The following MICA variants were observed in gnomAD, a reference collection of about 807,000 sequenced individuals.
MICA encodes HLA class I antigen.
A neutral mutation model predicts 34.3 loss-of-function variants in MICA; 18 were observed. The ratio of observed to expected loss-of-function variants is 0.52; its 90% CI spans 0.36 to 0.78. The LOEUF (loss-of-function observed/expected upper bound fraction) is 0.78. Ranked by LOEUF, MICA falls within the 30% of genes least tolerant of loss-of-function variation. The pLI, the probability that MICA is intolerant of heterozygous loss-of-function variation, is 0.00. For missense variants in MICA, 333 were observed against 409.4 expected (o/e 0.81, Z 1.61); for synonymous variants, 135 against 156.9 (o/e 0.86, Z 1.04).
rs1435993548 is a variant in MICA at position 31,403,806 on chromosome 6, G to A, written c.70+104G>A. On this transcript the variant is annotated intron_variant, in intron 1 of 5. Coordinates refer to ENST00000449934, the MANE Select transcript of MICA (RefSeq NM_001177519.3). This position sits in a 1 kb window ranked among gnomAD's most constrained non-coding sequence, Gnocchi z 4.7. ...GCTGTGCGGTCAGGGCGGGGCTCCT[G>A]TGCCCTGTCGGTGGCGCAGGGAGCT... The A allele has an allele frequency of 9.2e-6, 10 of 1,091,606 alleles. No homozygotes were observed. The highest frequency in any genetic ancestry group is 1.2e-5 in the Non-Finnish European group (9 of 780,468). The allele number at this position is 1,091,606 out of a possible 1,614,324, so 67.6% of individuals were successfully genotyped here.
intron 2 of MICA, 107 bp downstream of exon 2, chr6:31,410,904 G>T: frequency 2.0e-6 from 3 of 1,479,890 alleles, no homozygotes; most frequent in Middle Eastern, 1.8e-4. Context: ...CAGGCTGGGG[G>T]TGAGGAATGG....
rs1771456971 is a variant in MICA at position 31,415,230 on chromosome 6, C to G, written c.*248C>G. 1 of 620,222 alleles carries G rather than the reference C, an allele frequency of 1.6e-6. No individual in the cohort carries two copies. Among genetic ancestry groups the G allele is most frequent in the South Asian group, 1.8e-5 (1 of 56,354 alleles). The allele number at this position is 620,222 out of a possible 1,614,324, so 38.4% of individuals were successfully genotyped here. On this transcript the variant is annotated 3_prime_UTR_variant, in exon 6 of 6. Coordinates refer to ENST00000449934, the MANE Select transcript of MICA (RefSeq NM_001177519.3). ...TGCCTCAGTTTCCTGACCTATGAAA[C>G]AGAGAAAATAAAAGCACTTATTTAT...
intron 5 of MICA, among the ~76,000 whole-genome samples, chr6:31,414,408 G>T (rs928921392): frequency 2.6e-5 from 4 of 152,064 alleles, no homozygotes; most frequent in Non-Finnish European, 5.9e-5. Flanking sequence ...GTCAGGAGAG[G>T]CCAGGCCTCC....
At chr6:31,414,273 A>G (rs956039104) in intron 5 of MICA, among the ~76,000 whole-genome samples, 21 of 151,990 alleles carry the variant, frequency 1.4e-4, no homozygotes, top group African/African-American at 4.8e-4. Context: ...TGCTAGGGAC[A>G]GAGCAGGAAG....
chr6:31,407,217 C>T (rs1247472792), intron 1 of MICA, among the ~76,000 whole-genome samples: 6 of 151,746 alleles, frequency 4.0e-5, no homozygotes, highest in African/African-American at 1.2e-4. Flanking sequence ...TTGTGTCCTT[C>T]AATTTTTTGC....
intron 5 of MICA, among the ~76,000 whole-genome samples, 184 bp downstream of exon 5, chr6:31,412,644 C>T (rs898058206): frequency 2.0e-5 from 3 of 151,748 alleles, no homozygotes; most frequent in African/African-American, 7.3e-5. Context: ...GCTGCCCAAG[C>T]AAGGGTCAAA....
At chr6:31,414,637 G>A (rs1248163184) in intron 5 of MICA, among the ~76,000 whole-genome samples, 1 of 152,004 alleles carries the variant, frequency 6.6e-6, no homozygotes, top group Non-Finnish European at 1.5e-5. Flanking sequence ...CTCTGAAGGA[G>A]AGGAGGGCCT....
chr6:31,404,992 G>A (rs1346210053), intron 1 of MICA, among the ~76,000 whole-genome samples: 4 of 151,560 alleles, frequency 2.6e-5, no homozygotes, highest in Non-Finnish European at 5.9e-5. Context: ...CTTTCAGTGG[G>A]AAAGTGGGAG....
At chr6:31,407,934 G>A (rs1228456216) in intron 1 of MICA, among the ~76,000 whole-genome samples, 1 of 151,898 alleles carries the variant, frequency 6.6e-6, no homozygotes, top group East Asian at 1.9e-4. Context: ...CCAGATCTTA[G>A]AGAAAAGGCT....
chr6:31,402,384 CT>C (rs1223013440), upstream of MICA: 1 of 152,050 alleles, frequency 6.6e-6, no homozygotes, highest in African/African-American at 2.4e-5. Context: ...CCCACGTTTA[CT>C]GCAACCCTGG....
Position 31,403,604 on chromosome 6 carries a change from G to A in MICA, c.-29G>A. 6.7e-7 allele frequency: 1 copy of A among 1,485,130 alleles called. No individual in the cohort carries two copies. The highest frequency in any genetic ancestry group is 8.9e-7 in the Non-Finnish European group (1 of 1,120,612). The allele number at this position is 1,485,130 out of a possible 1,614,324, so 92.0% of individuals were successfully genotyped here. On this transcript the variant is annotated 5_prime_UTR_variant, in exon 1 of 6. Coordinates refer to ENST00000449934, the MANE Select transcript of MICA (RefSeq NM_001177519.3). This position sits in a 1 kb window ranked among gnomAD's most constrained non-coding sequence, Gnocchi z 4.7. ...CGCCTTCTCCCCGGCCACTGCTTGA[G>A]CCGCTGAGAGGGTGGCGACGTCGGG... is the stretch of plus-strand genomic sequence containing the variant.
At chr6:31,410,021 G>A (rs1268456779) in intron 1 of MICA, among the ~76,000 whole-genome samples, 1 of 151,304 alleles carries the variant, frequency 6.6e-6, no homozygotes, top group East Asian at 1.9e-4. Flanking sequence ...ACTTCTCTGG[G>A]GCTACAACCT....
Position 31,411,073 on chromosome 6 carries a change from C to T in MICA, c.327C>T (p.Gly109=), listed in dbSNP as rs1309684034. The stretch of plus-strand genomic sequence containing the variant: ...GAAGTCACTGCTGGGTGGGGGCAGG[C>T]TTGCATTCCCTCCAGGAGATTAGGG... ...TLAHIKDQKE[G]LHSLQEIRVC... The change falls in exon 3 of 6, where the codon GGC becomes GGT. Residue 109 remains glycine (G), a splice_region_variant and synonymous_variant. Coordinates refer to ENST00000449934, the MANE Select transcript of MICA (RefSeq NM_001177519.3). This position sits in a 1 kb window ranked among gnomAD's most constrained non-coding sequence, Gnocchi z 4.3. 1.0e-5 allele frequency: 16 copies of T among 1,586,888 alleles called. No individual in the cohort carries two copies. The highest frequency in any genetic ancestry group is 1.1e-5 in the Non-Finnish European group (13 of 1,167,194).
At chr6:31,409,517 C>CATGGCTACTTTGCCCA (rs1447053311) in intron 1 of MICA, among the ~76,000 whole-genome samples, 1 of 151,770 alleles carries the variant, frequency 6.6e-6, no homozygotes, top group Non-Finnish European at 1.5e-5. Context: ...CATAGCTTCT[C>CATGGCTACTTTGCCCA]TTATCAGATA....
At chr6:31,403,559 A>G, upstream of MICA, 1 of 1,248,560 alleles carries the variant, frequency 8.0e-7, no homozygotes, top group Non-Finnish European at 1.1e-6. The surrounding 1 kb of genome is among the most constrained non-coding windows in gnomAD (Gnocchi z 4.7). Flanking sequence ...GGACCGGGCC[A>G]GGTGACTAAG....
rs192139187 is a variant in MICA at position 31,404,701 on chromosome 6, C to A, written c.70+999C>A. Among the ~76,000 whole-genome samples, 1,159 of 152,082 alleles carry A rather than the reference C, an allele frequency of 7.6e-3. 9 individuals carry two copies. Among genetic ancestry groups the A allele is most frequent in the Middle Eastern group, 0.014 (4 of 294 alleles). ...CCTCCATCCCACTCCCCTCCAGACCCCCAAGGGGAACCCTGATGCTAATGG... is the reference window on the plus strand; with the variant it reads ...CCTCCATCCCACTCCCCTCCAGACCACCAAGGGGAACCCTGATGCTAATGG... On this transcript the variant is annotated intron_variant, in intron 1 of 5. Transcript: ENST00000449934.
intron 1 of MICA, among the ~76,000 whole-genome samples, chr6:31,408,317 T>C (rs1770855668): frequency 6.6e-6 from 1 of 152,002 alleles, no homozygotes; most frequent in Non-Finnish European, 1.5e-5. Context: ...TTTTTTATGA[T>C]GTGTCTTTGC....
intron 1 of MICA, among the ~76,000 whole-genome samples, chr6:31,408,431 T>G (rs1228927320): frequency 6.6e-6 from 1 of 152,018 alleles, no homozygotes; most frequent in Non-Finnish European, 1.5e-5. Context: ...ACATATGTTG[T>G]TCTTTAAAAG....
chr6:31,402,941 G>C (rs1770519573), upstream of MICA, among the ~76,000 whole-genome samples: 1 of 151,678 alleles, frequency 6.6e-6, no homozygotes, highest in African/African-American at 2.4e-5. Context: ...GGAGACTTCA[G>C]ACACTTAGAG....
Sources: allele counts gnomAD v4.1 joint callset (sites outside exome capture counted in the v4.1 genomes callset), GRCh38; gene constraint gnomAD v4.1.1; non-coding constraint Gnocchi (gnomAD v3.1); transcripts MANE v1.5; gene names NCBI Gene and HGNC (gene_info 2026-07-23, HGNC 2026-07-21).